Variants in C3 observed in about 807,000 individuals in gnomAD.
C3 encodes C3 and PZP-like alpha-2-macroglobulin domain-containing protein 1.
C3 carries 97 observed loss-of-function variants against 207.9 expected under a neutral mutation model. The ratio of observed to expected loss-of-function variants is 0.47; its 90% confidence interval spans 0.40 to 0.55. The LOEUF (loss-of-function observed/expected upper bound fraction) is 0.55. C3 is among the 20% of genes least tolerant of loss of function. The probability of loss-of-function intolerance (pLI) is 0.00; values close to 1 mark genes in which losing one functional copy is unlikely to be tolerated. For missense variants in C3, 1,684 were observed against 2,171.7 expected (o/e 0.78, Z 4.46); for synonymous variants, 848 against 857.6 (o/e 0.99, Z 0.20).
At chr19:6,687,839 T>C (rs1568212762) in intron 27 of C3, among the ~76,000 whole-genome samples, 3 of 151,430 alleles carry the variant, frequency 2.0e-5, no homozygotes, top group Non-Finnish European at 2.9e-5. Context: ...TTTGGTTGGT[T>C]GGTTGGGTTT....
chr19:6,709,611 T>TGGGC, intron 14 of C3, 73 bp downstream of exon 14: 1 of 1,109,446 alleles, frequency 9.0e-7, no homozygotes, highest in Non-Finnish European at 1.4e-6. Flanking sequence ...CCCTCTCCAG[T>TGGGC]CCCACCCACC....
chr19:6,718,297 C>G lies in C3; in HGVS notation c.383G>C (p.Gly128Ala). The change falls in exon 3 of 41, where the codon GGG becomes GCG. Residue 128 changes from glycine (G) to alanine (A), a missense_variant. By Grantham distance (60) the Gly-to-Ala change is moderately conservative. This residue lies in a region of C3 where 1,280 missense variants were observed against 1,739.1 expected (regional missense o/e 0.74). Coordinates refer to ENST00000245907, the MANE Select transcript of C3 (RefSeq NM_000064.4). The stretch of plus-strand genomic sequence containing the variant: ...CTTGTCTGTCTGGATGAAGAGGTAC[C>G]CGCTCTGCAGGCTGACCAGCACCAC... ...EKVVLVSLQS[G>A]YLFIQTDKTI... 6.2e-7 allele frequency: 1 copy of G among 1,614,214 alleles called. No individual in the cohort carries two copies. Among genetic ancestry groups the G allele is most frequent in the Non-Finnish European group, 8.5e-7 (1 of 1,180,036 alleles).
Position 6,700,647 on chromosome 19 carries a change from TATATA to T in C3, c.2440+1475_2440+1479del, listed in dbSNP as rs1443366390. Among the ~76,000 whole-genome samples the T allele has an allele frequency of 2.8e-5, 2 of 71,912 alleles. 1 individual carries two copies. Among genetic ancestry groups the T allele is most frequent in the Non-Finnish European group, 4.6e-5 (2 of 43,276 alleles). The allele number at this position is 71,912 out of a possible 152,430, so 47.2% of individuals were successfully genotyped here. Reference sequence around the variant, plus strand: ...AATATATGATATATTATATATGTAATATATAATATATGATATATTATATATGTAAT... The same window carrying T: ...AATATATGATATATTATATATGTAATATATATGATATATTATATATGTAAT... On this transcript the variant is annotated intron_variant, in intron 19 of 40. Coordinates refer to ENST00000245907, the MANE Select transcript of C3 (RefSeq NM_000064.4).
At chr19:6,687,040 G>T in intron 27 of C3, 138 bp from the exon 28 acceptor site, 1 of 913,798 alleles carries the variant, frequency 1.1e-6, no homozygotes, top group Non-Finnish European at 1.7e-6. Context: ...CCATTTTTGA[G>T]AATTTCCCAG....
At chr19:6,709,611 T>TGGCCCCCCCCCCCC in intron 14 of C3, 73 bp downstream of exon 14, 6 of 1,109,436 alleles carry the variant, frequency 5.4e-6, no homozygotes, top group East Asian at 2.6e-5. Flanking sequence ...CCCTCTCCAG[T>TGGCCCCCCCCCCCC]CCCACCCACC....
intron 27 of C3, among the ~76,000 whole-genome samples, chr19:6,688,333 C>T (rs1918065054): frequency 6.6e-6 from 1 of 152,122 alleles, no homozygotes; most frequent in African/African-American, 2.4e-5. Flanking sequence ...GGGGTTTTGC[C>T]ATGTTGGCCA....
intron 4 of C3, 105 bp from the exon 5 acceptor site, chr19:6,714,551 G>C (rs547135737): frequency 2.4e-6 from 2 of 822,366 alleles, no homozygotes; most frequent in East Asian, 5.2e-5. Flanking sequence ...TCTGTGCACA[G>C]TGTCTACTGT....
In C3 at chr19:6,689,334, TCCCTCCCTCC is replaced by T. The variant is rs1568213460; in HGVS notation, c.3489+1285_3489+1294del. 5.3e-4 allele frequency among the ~76,000 whole-genome samples: 20 copies of T among 37,752 alleles called. 1 individual carries two copies. Among genetic ancestry groups the T allele is most frequent in the African/African-American group, 2.9e-3 (20 of 6,942 alleles). The allele number at this position is 37,752 out of a possible 152,430, so 24.8% of individuals were successfully genotyped here. On this transcript the variant is annotated intron_variant, in intron 27 of 40. Coordinates refer to ENST00000245907, the MANE Select transcript of C3 (RefSeq NM_000064.4). Reference sequence around the variant, plus strand: ...CTCTCTCTCTCTCTACCTACCTCCCTCCCTCCCTCCCTCCCTCCCTCCCTCCCTCTCTCTC... The same window carrying T: ...CTCTCTCTCTCTCTACCTACCTCCCTCTCCCTCCCTCCCTCCCTCTCTCTC...
chr19:6,694,677 G>T, intron 23 of C3, 43 bp from the exon 24 acceptor site: 1 of 1,570,732 alleles, frequency 6.4e-7, no homozygotes, highest in South Asian at 1.1e-5. Flanking sequence ...CCAGGTGGGT[G>T]ACCCACCTTG....
chr19:6,681,124 C>T (rs1284939791), intron 35 of C3, among the ~76,000 whole-genome samples: 1 of 152,000 alleles, frequency 6.6e-6, no homozygotes, highest in Non-Finnish European at 1.5e-5. Flanking sequence ...GCACCAGGGG[C>T]TTATGCCTGT....
In C3 at chr19:6,679,134, C is replaced by T. The variant is rs763214910; in HGVS notation, c.4621G>A (p.Val1541Met). The T allele has an allele frequency of 9.9e-6, 16 of 1,613,748 alleles. No individual in the cohort carries two copies. Among genetic ancestry groups the T allele is most frequent in the Non-Finnish European group, 1.3e-5 (15 of 1,179,706 alleles). The change falls in exon 38 of 41, where the codon GTG becomes ATG. Residue 1541 changes from valine (V) to methionine (M), a missense_variant. Physicochemically the swap from Val to Met is conservative, Grantham distance 21 (BLOSUM62 1). This residue lies in a region of C3 where 346 missense variants were observed against 380.1 expected (regional missense o/e 0.91). Coordinates refer to ENST00000245907, the MANE Select transcript of C3 (RefSeq NM_000064.4). ...ERLDKACEPGVDYVYKTRLVK... is the reference protein window; with the variant it reads ...ERLDKACEPGMDYVYKTRLVK... ...CCCATCACCCACTCACCATAGTCCA[C>T]TCCTGGCTCACAGGCCTTGTCCAGC...
chr19:6,700,228 T>C (rs1420503798), intron 19 of C3, among the ~76,000 whole-genome samples: 4 of 137,378 alleles, frequency 2.9e-5, no homozygotes, highest in Non-Finnish European at 4.5e-5. Flanking sequence ...ATATATATTA[T>C]ATATGTAATA....
At chr19:6,690,196 G>T (rs1222876460) in intron 27 of C3, among the ~76,000 whole-genome samples, 1 of 152,202 alleles carries the variant, frequency 6.6e-6, no homozygotes, top group Non-Finnish European at 1.5e-5. Context: ...AATAGTCTTA[G>T]CTCTGTATCC....
At chr19:6,690,754 TG>T in intron 26 of C3, 27 bp from the exon 27 acceptor site, 2 of 1,577,576 alleles carry the variant, frequency 1.3e-6, no homozygotes, top group Non-Finnish European at 1.7e-6. Context: ...AAAGCAAGGA[TG>T]GGGTCACCGG....
chr19:6,702,589 G>A lies in C3; in HGVS notation c.2246-10C>T, dbSNP rs1216307119. ...TCCTCATCCAGGTTACCTGCAGGGGGTTTAGATCTGCATTTAGAACAGAGC... is the reference window on the plus strand; with the variant it reads ...TCCTCATCCAGGTTACCTGCAGGGGATTTAGATCTGCATTTAGAACAGAGC... On this transcript the variant is annotated splice_polypyrimidine_tract_variant and intron_variant, in intron 17 of 40. Coordinates refer to ENST00000245907, the MANE Select transcript of C3 (RefSeq NM_000064.4). The A allele has an allele frequency of 1.3e-6, 2 of 1,563,426 alleles. No homozygotes were observed. Among genetic ancestry groups the A allele is most frequent in the Admixed American group, 1.7e-5 (1 of 59,974 alleles).
intron 26 of C3, among the ~76,000 whole-genome samples, chr19:6,691,901 T>C (rs1310570441): frequency 6.6e-6 from 1 of 151,598 alleles, no homozygotes; most frequent in Non-Finnish European, 1.5e-5. Context: ...GTAGGAGAAT[T>C]GCTTGAACCT....
chr19:6,720,336 C>T (rs1023662098), intron 1 of C3, among the ~76,000 whole-genome samples, 180 bp downstream of exon 1: 1 of 152,170 alleles, frequency 6.6e-6, no homozygotes, highest in Non-Finnish European at 1.5e-5. Flanking sequence ...TCCACAAACA[C>T]CCAACCACAA....
chr19:6,700,305 ATATAT>A (rs571790659), intron 19 of C3, among the ~76,000 whole-genome samples: 1,677 of 131,222 alleles, frequency 0.013, 598 homozygotes, highest in South Asian at 0.02. Flanking sequence ...GATATGCAAT[ATATAT>A]TATATGTAAT....
Position 6,720,541 on chromosome 19 carries a change from G to A in C3, c.49C>T (p.Leu17Phe). 6.3e-7 allele frequency: 1 copy of A among 1,594,676 alleles called. No individual in the cohort carries two copies. Among genetic ancestry groups the A allele is most frequent in the South Asian group, 1.1e-5 (1 of 87,654 alleles). ...ATGGGACTCCCCAGAGCCAGGGGGA[G>A]GTGGGTTAGTAGCAGGAGCAGCAGG... ...PSLLLLLLTH[L>F]PLALGSPMYS... The change falls in exon 1 of 41, where the codon CTC becomes TTC. Residue 17 changes from leucine (L) to phenylalanine (F), a missense_variant. Physicochemically the swap from Leu to Phe is conservative, Grantham distance 22. This residue lies in a region of C3 where 58 missense variants were observed against 52.5 expected (regional missense o/e 1.10). Coordinates refer to ENST00000245907, the MANE Select transcript of C3 (RefSeq NM_000064.4).
Sources: allele counts gnomAD v4.1 joint callset (sites outside exome capture counted in the v4.1 genomes callset), GRCh38; gene constraint gnomAD v4.1.1; regional missense constraint gnomAD v4.1.1; transcripts MANE v1.5; gene names NCBI Gene and HGNC (gene_info 2026-07-23, HGNC 2026-07-21).